The following OSBPL2 variants were observed in gnomAD, a reference collection of about 807,000 sequenced individuals.
OSBPL2 encodes oxysterol binding protein like 2.
OSBPL2 carries 18 observed loss-of-function variants against 58.4 expected under a neutral mutation model. That is an observed-to-expected ratio of 0.31 (90% CI 0.21 to 0.46). The LOEUF (loss-of-function observed/expected upper bound fraction) is 0.46, where lower values mean the gene tolerates loss of function less well. OSBPL2 is among the 20% of genes least tolerant of loss of function. The pLI is 1.00. For synonymous variants in OSBPL2, 221 were observed against 234.1 expected, an observed-to-expected ratio of 0.94 and a Z score of 0.51; for missense variants, 461 against 616.5, an observed-to-expected ratio of 0.75 and a Z score of 2.67.
chr20:62,289,983 AAAGTT>A (rs1415964673), intron 12 of OSBPL2, among the ~76,000 whole-genome samples: 25 of 152,338 alleles, frequency 1.6e-4, no homozygotes, highest in African/African-American at 4.6e-4. Flanking sequence ...AAATTAAACA[AAAGTT>A]AAGATTACAT....
chr20:62,276,195 G>T (rs920370730), intron 6 of OSBPL2, among the ~76,000 whole-genome samples: 1 of 152,206 alleles, frequency 6.6e-6, no homozygotes, highest in Non-Finnish European at 1.5e-5. Flanking sequence ...GGGATTACAG[G>T]CGTGAGCCAC....
At position 62,294,745 on chromosome 20, in the gene OSBPL2, T is replaced by C. The variant is rs1290010606; in HGVS notation, c.*858T>C. ...TTCCTTTCTTCTCACACGTCGCGTG[T>C]ACCCATAGCACTCTTGTGTTTCTGT... On this transcript the variant is annotated 3_prime_UTR_variant, in exon 14 of 14. Transcript: ENST00000313733. 6.6e-6 allele frequency: 1 copy of C among 152,216 alleles called. No individual in the cohort carries two copies. Among genetic ancestry groups the C allele is most frequent in the Non-Finnish European group, 1.5e-5 (1 of 68,052 alleles). The allele number at this position is 152,216 out of a possible 1,614,324, so 9.4% of individuals were successfully genotyped here. A position where few individuals can be genotyped will look rare whatever the true frequency, so the allele number is the denominator to read the frequency against.
chr20:62,257,458 G>C (rs115434429), intron 2 of OSBPL2, among the ~76,000 whole-genome samples: 4,484 of 152,270 alleles, frequency 0.029, 205 homozygotes, highest in African/African-American at 0.1. Flanking sequence ...TATCTGCAGC[G>C]TGTTTGCCTC....
chr20:62,273,428 A>G, intron 6 of OSBPL2, 22 bp downstream of exon 6: 1 of 1,515,578 alleles, frequency 6.6e-7, no homozygotes, highest in Non-Finnish European at 9.1e-7. Flanking sequence ...AAGGCCCATC[A>G]TAAATATCTT....
intron 1 of OSBPL2, among the ~76,000 whole-genome samples, chr20:62,248,407 C>T (rs957219192): frequency 2.6e-5 from 4 of 152,070 alleles, no homozygotes; most frequent in South Asian, 2.1e-4. Context: ...CCGTCCACCT[C>T]GGCCTCCCAA....
chr20:62,283,619 A>G (rs911397412), intron 9 of OSBPL2, among the ~76,000 whole-genome samples: 2 of 152,150 alleles, frequency 1.3e-5, no homozygotes, highest in African/African-American at 4.8e-5. Flanking sequence ...CACACACAAC[A>G]CATTGAGTGT....
At chr20:62,244,180 C>G (rs761092799) in intron 1 of OSBPL2, among the ~76,000 whole-genome samples, 34 of 152,222 alleles carry the variant, frequency 2.2e-4, no homozygotes, top group Non-Finnish European at 3.4e-4. Context: ...GGACAACAGC[C>G]TCTCACCTGG....
intron 7 of OSBPL2, 187 bp downstream of exon 7, chr20:62,279,526 C>T (rs1416409091): frequency 1.6e-6 from 1 of 607,852 alleles, no homozygotes; most frequent in Non-Finnish European, 2.9e-6. Flanking sequence ...TGGGGTGCGT[C>T]CTCACGTCTG....
intron 9 of OSBPL2, 72 bp downstream of exon 9, chr20:62,281,951 C>T: frequency 1.0e-6 from 1 of 992,912 alleles, no homozygotes; most frequent in South Asian, 1.3e-5. Flanking sequence ...CTCAGGTGCT[C>T]CTGGGCCTGC....
chr20:62,259,976 C>T lies in OSBPL2; in HGVS notation c.38-5C>T, dbSNP rs749076932. 2 of 1,611,808 alleles carry T rather than the reference C, an allele frequency of 1.2e-6. No individual in the cohort carries two copies. The highest frequency in any genetic ancestry group is 2.2e-5 in the South Asian group (2 of 90,442). The stretch of plus-strand genomic sequence containing the variant: ...CGAAAATGACCATTTTCTTGTCTCG[C>T]ACAGGCTTTGATTCTGATAACTCTT... On this transcript the variant is annotated splice_polypyrimidine_tract_variant and splice_region_variant and intron_variant, in intron 2 of 13. Transcript: ENST00000313733.
chr20:62,244,310 T>C (rs1324913930), intron 1 of OSBPL2, among the ~76,000 whole-genome samples: 1 of 152,226 alleles, frequency 6.6e-6, no homozygotes, highest in Admixed American at 6.5e-5. Flanking sequence ...CTCCTCTAGC[T>C]GCAGCCGCAG....
chr20:62,246,937 T>G (rs1980158748), intron 1 of OSBPL2, among the ~76,000 whole-genome samples: 1 of 152,226 alleles, frequency 6.6e-6, no homozygotes, highest in African/African-American at 2.4e-5. Flanking sequence ...CTTGTTTCCC[T>G]TCCTGGTGCT....
chr20:62,253,613 G>A (rs1036252087), intron 1 of OSBPL2, among the ~76,000 whole-genome samples: 1 of 151,946 alleles, frequency 6.6e-6, no homozygotes, highest in African/African-American at 2.4e-5. Flanking sequence ...CCAGTCCAAG[G>A]TGCTGGTGTC....
At chr20:62,286,812 C>T (rs536466919) in intron 11 of OSBPL2, 101 bp downstream of exon 11, 71 of 1,361,524 alleles carry the variant, frequency 5.2e-5, no homozygotes, top group East Asian at 2.6e-4. Flanking sequence ...CCTTGCCTGC[C>T]GCCTCGCCTC....
At position 62,263,606 on chromosome 20, in the gene OSBPL2, T is replaced by G; in HGVS notation, c.183-10T>G. ...AATTCACCCACACGCACCCCTTTTGTGCTTCGCAGGACATCGCTGCCGGCT... is the reference window on the plus strand; with the variant it reads ...AATTCACCCACACGCACCCCTTTTGGGCTTCGCAGGACATCGCTGCCGGCT... On this transcript the variant is annotated splice_polypyrimidine_tract_variant and intron_variant, in intron 3 of 13. Transcript: ENST00000313733. The G allele has an allele frequency of 6.2e-7, 1 of 1,613,710 alleles. No homozygotes were observed. Among genetic ancestry groups the G allele is most frequent in the Middle Eastern group, 1.7e-4 (1 of 6,060 alleles).
At chr20:62,280,152 C>A in intron 7 of OSBPL2, 1 of 1,272,618 alleles carries the variant, frequency 7.9e-7, no homozygotes. Context: ...TGCCTGCAGT[C>A]TTGTTGTAGG....
In OSBPL2 at chr20:62,251,037, ATTT is replaced by A. The variant is rs35328509; in HGVS notation, c.-128-4998_-128-4996del. 6.8e-3 allele frequency among the ~76,000 whole-genome samples: 667 copies of A among 97,760 alleles called. 3 individuals are homozygous for A. The highest frequency in any genetic ancestry group is 0.025 in the African/African-American group (635 of 24,906). 64.1% of individuals were successfully genotyped at this position (97,760 alleles called of 152,430 possible). A position where few individuals can be genotyped will look rare whatever the true frequency, so the allele number is the denominator to read the frequency against. On this transcript the variant is annotated intron_variant, in intron 1 of 13. Coordinates refer to ENST00000313733, the MANE Select transcript of OSBPL2 (RefSeq NM_144498.4). ...CTTTTCACATAGTGCAGAGCAATAG[ATTT>A]TTTTTTTTTTTTTTTTTTTTTGAGA...
intron 6 of OSBPL2, among the ~76,000 whole-genome samples, chr20:62,276,949 CT>C (rs1288436847): frequency 1.3e-5 from 2 of 152,148 alleles, no homozygotes; most frequent in South Asian, 2.1e-4. Flanking sequence ...ATTAAAATGT[CT>C]TGAAAAAGAT....
intron 6 of OSBPL2, 69 bp from the exon 7 acceptor site, chr20:62,279,088 A>T (rs1446336895): frequency 3.0e-6 from 4 of 1,348,134 alleles, no homozygotes; most frequent in Non-Finnish European, 4.1e-6. Context: ...GCTCCACATG[A>T]TGTCTGAGCT....
Sources: gnomAD v4.1 joint callset for allele counts (sites outside exome capture counted in the v4.1 genomes callset) on GRCh38, gnomAD v4.1.1 for gene constraint, MANE v1.5 for transcripts, NCBI Gene and HGNC (gene_info 2026-07-23, HGNC 2026-07-21) for gene names.